The following DOCK3 variants were observed in gnomAD, a reference collection of about 807,000 sequenced individuals.
DOCK3 encodes dedicator of cytokinesis protein 3.
In DOCK3, 60 loss-of-function variants were observed where a neutral mutation model predicts 265.6. The observed-to-expected ratio is 0.23, with a 90% CI of 0.18 to 0.28. The LOEUF is 0.28. Among genes scored for constraint, DOCK3 ranks in the 10% least tolerant of loss-of-function variants. DOCK3 has a pLI of 1.00. For missense variants in DOCK3, 1,981 were observed against 2,594.3 expected, an observed-to-expected ratio of 0.76 and a Z score of 5.14; for synonymous variants, 881 against 938.0, an observed-to-expected ratio of 0.94 and a Z score of 1.11.
chr3:51,254,492 G>T (rs539088242), intron 22 of DOCK3, among the ~76,000 whole-genome samples: 29 of 152,270 alleles, frequency 1.9e-4, no homozygotes, highest in East Asian at 3.9e-4. Flanking sequence ...TTGTTATTGT[G>T]TGGGAGTCTA....
Position 51,071,804 on chromosome 3 carries a change from C to A in DOCK3, c.465-3552C>A, listed in dbSNP as rs73833980. ...CGATGTTCACTATTCTTCGAGTAAA[C>A]CATAGGAAAAAATAGCCAGGAGCCT... On this transcript the variant is annotated intron_variant, in intron 6 of 52. Transcript: ENST00000266037. Among the ~76,000 whole-genome samples the A allele has an allele frequency of 3.9e-5, 6 of 152,148 alleles. No homozygotes were observed. In the East Asian group the frequency reaches 1.2e-3, roughly 29 times the overall value.
Position 51,348,873 on chromosome 3 carries a change from C to G in DOCK3, c.3937C>G (p.Leu1313Val). 1 of 1,583,886 alleles carries G rather than the reference C, an allele frequency of 6.3e-7. No homozygotes were observed. Among genetic ancestry groups the G allele is most frequent in the Non-Finnish European group, 8.6e-7 (1 of 1,164,884 alleles). Residue 1313 changes from leucine to valine, a missense_variant, in exon 39 of 53, where the codon CTG (leucine) becomes GTG (valine). Transcript: ENST00000266037. ...ACAGAGCTGGGAGTTTGGGATCCCACTGTGCAGGGAGCTGGCGTGTCAGTA... is the reference window on the plus strand; with the variant it reads ...ACAGAGCTGGGAGTTTGGGATCCCAGTGTGCAGGGAGCTGGCGTGTCAGTA... Reference protein sequence around the residue: ...KGKSWEFGIPLCRELACQYES... With the variant: ...KGKSWEFGIPVCRELACQYES...
chr3:51,264,067 T>C (rs1217564461), intron 23 of DOCK3, among the ~76,000 whole-genome samples: 2 of 152,164 alleles, frequency 1.3e-5, no homozygotes, highest in Non-Finnish European at 2.9e-5. Context: ...GTAGACCTGA[T>C]AGACATCTGC....
intron 2 of DOCK3, among the ~76,000 whole-genome samples, chr3:50,791,914 TA>T (rs1334349113): frequency 3.3e-5 from 5 of 152,220 alleles, no homozygotes; most frequent in South Asian, 2.1e-4. Context: ...CTATTCGGGA[TA>T]TTTTTTTATT....
chr3:50,868,901 GTTTTTTTTT>G (rs147898866), intron 3 of DOCK3, among the ~76,000 whole-genome samples: 86 of 14,310 alleles, frequency 6.0e-3, no homozygotes, highest in South Asian at 0.016. Context: ...TGGATAATCT[GTTTTTTTTT>G]TTTTTTTTTT....
At chr3:51,043,974 G>T (rs540410613) in intron 5 of DOCK3, among the ~76,000 whole-genome samples, 1 of 152,242 alleles carries the variant, frequency 6.6e-6, no homozygotes, top group South Asian at 2.1e-4. Context: ...ATACACTGTT[G>T]TTGGGAGTGT....
At chr3:51,134,142 G>A (rs2084688187) in intron 9 of DOCK3, among the ~76,000 whole-genome samples, 1 of 152,100 alleles carries the variant, frequency 6.6e-6, no homozygotes, top group Non-Finnish European at 1.5e-5. Context: ...AGTAGTCCAT[G>A]GTGTGTATAT....
At chr3:51,380,065 T>C in intron 51 of DOCK3, 60 bp from the exon 52 acceptor site, 1 of 1,527,692 alleles carries the variant, frequency 6.5e-7, no homozygotes, top group African/African-American at 1.4e-5. Context: ...AGCAAGATGG[T>C]GCTGGCATGA....
At chr3:51,273,420 G>T (rs992063284) in intron 24 of DOCK3, among the ~76,000 whole-genome samples, 29 of 152,148 alleles carry the variant, frequency 1.9e-4, no homozygotes, top group African/African-American at 6.3e-4. Context: ...TGAAGCAAAA[G>T]GTTCTTTACC....
intron 9 of DOCK3, among the ~76,000 whole-genome samples, chr3:51,127,202 T>A (rs576472725): frequency 6.6e-6 from 1 of 152,248 alleles, no homozygotes; most frequent in African/African-American, 2.4e-5. Context: ...CTGAATAGAT[T>A]GTGCCCACCC....
chr3:50,965,204 C>A (rs1380765986), intron 5 of DOCK3, among the ~76,000 whole-genome samples: 1 of 151,980 alleles, frequency 6.6e-6, no homozygotes, highest in Non-Finnish European at 1.5e-5. Flanking sequence ...AATGTACATA[C>A]ATCTGAATAA....
chr3:51,316,362 A>G (rs1001345026), intron 32 of DOCK3, among the ~76,000 whole-genome samples: 4 of 152,216 alleles, frequency 2.6e-5, no homozygotes, highest in African/African-American at 7.2e-5. Context: ...TCATTCATTC[A>G]CCATTTGAAA....
chr3:50,882,869 A>G (rs1229722513), intron 3 of DOCK3, among the ~76,000 whole-genome samples: 2 of 152,214 alleles, frequency 1.3e-5, no homozygotes, highest in African/African-American at 2.4e-5. Context: ...AACCAACCCA[A>G]ATGTCCATCA....
chr3:51,188,209 G>C (rs968411389), intron 12 of DOCK3, among the ~76,000 whole-genome samples: 1 of 152,096 alleles, frequency 6.6e-6, no homozygotes, highest in African/African-American at 2.4e-5. Context: ...AGGCACATTA[G>C]TACGAAGTGG....
intron 1 of DOCK3, among the ~76,000 whole-genome samples, chr3:50,770,490 T>G (rs2041205788): frequency 6.6e-6 from 1 of 151,100 alleles, no homozygotes; most frequent in African/African-American, 2.4e-5. Flanking sequence ...ATTGGAACAA[T>G]CAGTATTTTT....
In DOCK3 at chr3:51,237,481, A is replaced by C. The variant is rs906731831; in HGVS notation, c.2002-9A>C. ...TGAACCCTGATGGCTTACTCTCCATATCTCCCAGGTGTTCATCATCAACCT... is the reference window on the plus strand; with the variant it reads ...TGAACCCTGATGGCTTACTCTCCATCTCTCCCAGGTGTTCATCATCAACCT... On this transcript the variant is annotated splice_polypyrimidine_tract_variant and intron_variant, in intron 20 of 52. Transcript: ENST00000266037. The C allele has an allele frequency of 6.2e-7, 1 of 1,612,136 alleles. No homozygotes were observed. Among genetic ancestry groups the C allele is most frequent in the Admixed American group, 1.7e-5 (1 of 59,818 alleles).
At chr3:51,102,903 G>A (rs184484784) in intron 9 of DOCK3, among the ~76,000 whole-genome samples, 2 of 152,262 alleles carry the variant, frequency 1.3e-5, no homozygotes, top group South Asian at 2.1e-4. Flanking sequence ...TTTCTGAGAA[G>A]GAATGCTCCA....
chr3:51,083,955 G>T (rs2082328903), intron 7 of DOCK3, among the ~76,000 whole-genome samples: 1 of 152,092 alleles, frequency 6.6e-6, no homozygotes, highest in South Asian at 2.1e-4. Context: ...CTGTACTCCA[G>T]CCTGGGCGAC....
intron 1 of DOCK3, among the ~76,000 whole-genome samples, chr3:50,736,851 C>T (rs190385100): frequency 1.1e-4 from 16 of 151,980 alleles, no homozygotes; most frequent in Non-Finnish European, 2.2e-4. Flanking sequence ...TGCCCACCAC[C>T]ATGCCCGGCT....
Sources: allele counts gnomAD v4.1 joint callset (sites outside exome capture counted in the v4.1 genomes callset), GRCh38; gene constraint gnomAD v4.1.1; transcripts MANE v1.5; gene names NCBI Gene and HGNC (gene_info 2026-07-23, HGNC 2026-07-21).